SOX6: variants seen among roughly 807,000 people sequenced by gnomAD.
SOX6 encodes transcription factor SOX-6.
In SOX6, 11 loss-of-function variants were observed where a neutral mutation model predicts 97.8. The ratio of observed to expected loss-of-function variants is 0.11; its 90% CI spans 0.07 to 0.19. SOX6 has a LOEUF of 0.19. SOX6 is among the 10% of genes least tolerant of loss of function. SOX6 has a pLI of 1.00. For missense variants in SOX6, 810 were observed against 1,039.5 expected, an observed-to-expected ratio of 0.78 and a Z score of 3.04; for synonymous variants, 360 against 371.4, an observed-to-expected ratio of 0.97 and a Z score of 0.35.
At position 16,613,663 on chromosome 11, in the gene SOX6, G is replaced by A. The variant is rs889908187; in HGVS notation, n.430-1403C>T. Among the ~76,000 whole-genome samples, 1 of 152,104 alleles carries A rather than the reference G, an allele frequency of 6.6e-6. No homozygotes were observed. Among genetic ancestry groups the A allele is most frequent in the East Asian group, 1.9e-4 (1 of 5,178 alleles). ...CGCACGCACACACACAGACACGCGC[G>A]TATTCTGAAATTCTGGCCGAACTCC... is the stretch of plus-strand genomic sequence containing the variant. On this transcript the variant is annotated intron_variant and non_coding_transcript_variant, in intron 3 of 5. Transcript: ENST00000524520. This position sits in a 1 kb window ranked among gnomAD's most constrained non-coding sequence, Gnocchi z 4.6.
chr11:16,738,129 G>A (rs1450774155), intron 1 of SOX6, among the ~76,000 whole-genome samples: 4 of 151,966 alleles, frequency 2.6e-5, no homozygotes, highest in African/African-American at 9.7e-5. Context: ...ATTTCTGTAT[G>A]GGAAAACAGC....
intron 1 of SOX6, among the ~76,000 whole-genome samples, chr11:16,409,100 T>A (rs1858742909): frequency 6.6e-6 from 1 of 152,148 alleles, no homozygotes; most frequent in East Asian, 1.9e-4. Context: ...ATATCTTCCC[T>A]AACCAATGCC....
chr11:16,682,879 C>A (rs1282607625), intron 3 of SOX6, among the ~76,000 whole-genome samples: 1 of 152,224 alleles, frequency 6.6e-6, no homozygotes, highest in African/African-American at 2.4e-5. Flanking sequence ...TGATAAGCAA[C>A]TTCAGCAAAG....
chr11:16,164,726 G>A (rs1850839876), intron 6 of SOX6, among the ~76,000 whole-genome samples: 1 of 151,946 alleles, frequency 6.6e-6, no homozygotes, highest in African/African-American at 2.4e-5. Context: ...GGGAGGCTAA[G>A]GCAGGAGAAT....
At chr11:16,459,333 T>C (rs1381459981) in intron 1 of SOX6, among the ~76,000 whole-genome samples, 1 of 151,890 alleles carries the variant, frequency 6.6e-6, no homozygotes. Context: ...CCACTTTAAC[T>C]GCATACCAGA....
chr11:16,491,916 A>T (rs1432891942), intron 4 of SOX6, among the ~76,000 whole-genome samples: 1 of 152,176 alleles, frequency 6.6e-6, no homozygotes, highest in Admixed American at 6.5e-5. Flanking sequence ...ATAAAGTACT[A>T]GGGGTTCTAT....
intron 1 of SOX6, among the ~76,000 whole-genome samples, chr11:16,432,108 A>C (rs1388085918): frequency 2.6e-5 from 4 of 152,108 alleles, no homozygotes; most frequent in African/African-American, 4.8e-5. Flanking sequence ...GCAGCATCTC[A>C]GATCACCTCT....
intron 2 of SOX6, among the ~76,000 whole-genome samples, chr11:16,723,407 A>C (rs999413706): frequency 2.0e-5 from 3 of 152,126 alleles, no homozygotes; most frequent in African/African-American, 7.2e-5. Context: ...TGATGAGATA[A>C]TATGTGCAAC....
At chr11:16,349,830 T>C (rs1230327645) in intron 1 of SOX6, among the ~76,000 whole-genome samples, 1 of 152,074 alleles carries the variant, frequency 6.6e-6, no homozygotes, top group Non-Finnish European at 1.5e-5. Flanking sequence ...TGACATTCCA[T>C]TTTTACCATA....
chr11:16,539,882 C>T (rs183078247), intron 4 of SOX6, among the ~76,000 whole-genome samples: 6 of 152,090 alleles, frequency 3.9e-5, no homozygotes, highest in Admixed American at 6.5e-5. Flanking sequence ...CCAAATTCTA[C>T]CAGAGGTACA....
At chr11:16,222,332 C>T (rs987303847) in intron 4 of SOX6, among the ~76,000 whole-genome samples, 2 of 152,114 alleles carry the variant, frequency 1.3e-5, no homozygotes, top group African/African-American at 4.8e-5. Context: ...CCTGCCTCAG[C>T]TTCTCCAGTA....
intron 1 of SOX6, among the ~76,000 whole-genome samples, chr11:16,415,981 A>T (rs900015566): frequency 6.6e-6 from 1 of 152,222 alleles, no homozygotes; most frequent in African/African-American, 2.4e-5. Flanking sequence ...ATGACTTCAC[A>T]AGGGATTGGT....
At chr11:16,206,779 A>T in intron 4 of SOX6, among the ~76,000 whole-genome samples, 1 of 152,308 alleles carries the variant, frequency 6.6e-6, no homozygotes, top group South Asian at 2.1e-4. Flanking sequence ...GATTTATTTT[A>T]TCCTGTTTAA....
At chr11:16,519,961 A>AT (rs1388654502) in intron 4 of SOX6, among the ~76,000 whole-genome samples, 3 of 151,924 alleles carry the variant, frequency 2.0e-5, no homozygotes, top group East Asian at 3.9e-4. Flanking sequence ...GTTGTTGAGC[A>AT]TTTTTTCATG....
chr11:16,249,926 T>C (rs1346567921), intron 3 of SOX6, among the ~76,000 whole-genome samples: 1 of 152,224 alleles, frequency 6.6e-6, no homozygotes, highest in Non-Finnish European at 1.5e-5. Context: ...TATTACTTTT[T>C]AAAAGGCTGT....
At chr11:16,209,896 A>G (rs777650734) in intron 4 of SOX6, among the ~76,000 whole-genome samples, 8 of 152,182 alleles carry the variant, frequency 5.3e-5, no homozygotes, top group Non-Finnish European at 1.2e-4. Context: ...GGGACAAATT[A>G]TTATTGCTTT....
intron 4 of SOX6, among the ~76,000 whole-genome samples, chr11:16,512,252 A>G (rs1860892741): frequency 6.6e-6 from 1 of 152,214 alleles, no homozygotes; most frequent in Non-Finnish European, 1.5e-5. Flanking sequence ...ACTGGGGGAT[A>G]TCTTAACTTT....
At chr11:16,242,366 T>C (rs749993231) in intron 3 of SOX6, among the ~76,000 whole-genome samples, 3 of 151,948 alleles carry the variant, frequency 2.0e-5, no homozygotes, top group Non-Finnish European at 4.4e-5. Flanking sequence ...GGCCATACCA[T>C]GTAGGTTTGT....
chr11:16,455,128 G>A (rs1859788748), intron 1 of SOX6, among the ~76,000 whole-genome samples: 1 of 151,868 alleles, frequency 6.6e-6, no homozygotes, highest in Non-Finnish European at 1.5e-5. Context: ...TTAAATATAA[G>A]TCTCTGACTA....
Sources: allele counts gnomAD v4.1 joint callset (sites outside exome capture counted in the v4.1 genomes callset), GRCh38; gene constraint gnomAD v4.1.1; non-coding constraint Gnocchi (gnomAD v3.1); transcripts MANE v1.5; gene names NCBI Gene and HGNC (gene_info 2026-07-23, HGNC 2026-07-21).